CTDSPL: variants seen among roughly 807,000 people sequenced by gnomAD.
CTDSPL encodes the protein CTD small phosphatase like, also known as CTD small phosphatase-like protein.
Under a neutral mutation model 30.5 loss-of-function variants are expected in CTDSPL, and 8 were observed. The observed-to-expected ratio is 0.26, with a 90% confidence interval of 0.15 to 0.47. The LOEUF (loss-of-function observed/expected upper bound fraction) is 0.47. CTDSPL is among the 20% of genes least tolerant of loss of function. The probability of loss-of-function intolerance (pLI) is 0.99; values close to 1 mark genes in which losing one functional copy is unlikely to be tolerated. For synonymous variants in CTDSPL, 110 were observed against 137.9 expected (o/e 0.80, Z 1.42); for missense variants, 248 against 366.1 (o/e 0.68, Z 2.63).
intron 1 of CTDSPL, among the ~76,000 whole-genome samples, chr3:37,889,438 G>A (rs1293435127): frequency 1.3e-5 from 2 of 152,084 alleles, no homozygotes; most frequent in Non-Finnish European, 2.9e-5. Context: ...AATGAAATCG[G>A]CGGTTTCCAA....
chr3:37,943,535 G>A (rs374899329), intron 1 of CTDSPL, among the ~76,000 whole-genome samples: 4 of 150,434 alleles, frequency 2.7e-5, no homozygotes, highest in South Asian at 4.3e-4. Flanking sequence ...AATGAAAATC[G>A]TTACGGAATA....
At position 37,981,653 on chromosome 3, in the gene CTDSPL, G is replaced by T; in HGVS notation, c.*786G>T. ...CTGATGGTGACAAGTTTGTCTTGAG[G>T]TCACATTTTCTCCTTGAAAAGTGAC... On this transcript the variant is annotated 3_prime_UTR_variant, in exon 8 of 8. Transcript: ENST00000273179. 1 of 324,244 alleles carries T rather than the reference G, an allele frequency of 3.1e-6. No homozygotes were observed. Among genetic ancestry groups the T allele is most frequent in the Non-Finnish European group, 6.2e-6 (1 of 162,460 alleles). The allele number at this position is 324,244 out of a possible 1,614,324, so 20.1% of individuals were successfully genotyped here. A position where few individuals can be genotyped will look rare whatever the true frequency, so the allele number is the denominator to read the frequency against.
chr3:37,951,978 G>C (rs1699115049), intron 2 of CTDSPL, among the ~76,000 whole-genome samples: 1 of 152,158 alleles, frequency 6.6e-6, no homozygotes, highest in Middle Eastern at 3.2e-3. Context: ...ATATTTCCAA[G>C]AATATACCTG....
At chr3:37,952,458 A>C (rs893338942) in intron 2 of CTDSPL, among the ~76,000 whole-genome samples, 1 of 152,176 alleles carries the variant, frequency 6.6e-6, no homozygotes, top group African/African-American at 2.4e-5. Flanking sequence ...CAAGCTTCAG[A>C]TATTGTTTCC....
intron 7 of CTDSPL, among the ~76,000 whole-genome samples, chr3:37,976,406 G>C (rs780055339): frequency 1.4e-4 from 22 of 152,062 alleles, no homozygotes; most frequent in Non-Finnish European, 2.6e-4. Context: ...GGGAGGCCGA[G>C]GCAGATCACA....
At chr3:37,892,075 G>A (rs1698334579) in intron 1 of CTDSPL, among the ~76,000 whole-genome samples, 1 of 152,106 alleles carries the variant, frequency 6.6e-6, no homozygotes, top group African/African-American at 2.4e-5. Flanking sequence ...TCTTTATATG[G>A]ATGCACCTTA....
At chr3:37,867,723 G>A (rs2125586955) in intron 1 of CTDSPL, among the ~76,000 whole-genome samples, 1 of 152,222 alleles carries the variant, frequency 6.6e-6, no homozygotes, top group Admixed American at 6.5e-5. Flanking sequence ...ATCACCTAGT[G>A]TCCCCTAACG....
intron 2 of CTDSPL, among the ~76,000 whole-genome samples, chr3:37,953,887 G>C (rs868148566): frequency 1.8e-4 from 27 of 152,134 alleles, no homozygotes; most frequent in African/African-American, 5.3e-4. Context: ...TATAAACATG[G>C]AAAAGATACA....
In CTDSPL at chr3:37,914,010, T is replaced by C. The variant is rs193217213; in HGVS notation, c.80-33047T>C. 2.0e-4 allele frequency among the ~76,000 whole-genome samples: 30 copies of C among 152,378 alleles called. No homozygotes were observed. In the East Asian group the frequency reaches 5.8e-3, roughly 29 times the overall value. On this transcript the variant is annotated intron_variant, in intron 1 of 7. Transcript: ENST00000273179. ...GTTTTCATTGAGATTGTGTGGAATC[T>C]GTAGGCGAGTTTGGCAGAATTGACG...
chr3:37,943,856 C>G (rs1189078932), intron 1 of CTDSPL, among the ~76,000 whole-genome samples: 1 of 150,340 alleles, frequency 6.7e-6, no homozygotes, highest in African/African-American at 2.4e-5. Flanking sequence ...CAGGAGCGTT[C>G]TACTGGGAAA....
intron 1 of CTDSPL, among the ~76,000 whole-genome samples, chr3:37,923,258 G>A (rs1698738551): frequency 6.6e-6 from 1 of 152,168 alleles, no homozygotes; most frequent in South Asian, 2.1e-4. Flanking sequence ...GCTGAGGGTG[G>A]TATCCACATT....
rs903430720 is a variant in CTDSPL, at chr3:37,867,671, G to A, written c.79+5393G>A. On this transcript the variant is annotated intron_variant, in intron 1 of 7. Coordinates refer to ENST00000273179, the MANE Select transcript of CTDSPL (RefSeq NM_001008392.2). ...TTTATTTTGAAATAATTATAGACTC[G>A]AAAGAAGTTGCAAAAATAATACAGA... Among the ~76,000 whole-genome samples, 3 of 152,212 alleles carry A rather than the reference G, an allele frequency of 2.0e-5. No homozygotes were observed. In the South Asian group the frequency reaches 6.2e-4, roughly 32 times the overall value.
chr3:37,943,072 C>G (rs73058949), intron 1 of CTDSPL, among the ~76,000 whole-genome samples: 5,977 of 150,132 alleles, frequency 0.04, 428 homozygotes, highest in African/African-American at 0.062. Flanking sequence ...GGGAAAAGGA[C>G]AGATGTCTAG....
intron 2 of CTDSPL, among the ~76,000 whole-genome samples, chr3:37,951,058 G>T (rs149971405): frequency 1.2e-3 from 183 of 152,272 alleles, no homozygotes; most frequent in African/African-American, 4.2e-3. Flanking sequence ...ATTCAGTTAT[G>T]ATACAATTAT....
rs548541148 is a variant in CTDSPL, at chr3:37,887,262, T to A, written c.79+24984T>A. Among the ~76,000 whole-genome samples, 9 of 152,314 alleles carry A rather than the reference T, an allele frequency of 5.9e-5. No homozygotes were observed. In the South Asian group the frequency reaches 1.9e-3, roughly 32 times the overall value. On this transcript the variant is annotated intron_variant, in intron 1 of 7. Coordinates refer to ENST00000273179, the MANE Select transcript of CTDSPL (RefSeq NM_001008392.2). Reference sequence around the variant, plus strand: ...GTTTGTCAAGGTGTTTGTGAGCACCTTCTGAAGTGTGGATGCCTAGCCTCT... The same window carrying A: ...GTTTGTCAAGGTGTTTGTGAGCACCATCTGAAGTGTGGATGCCTAGCCTCT...
intron 1 of CTDSPL, among the ~76,000 whole-genome samples, chr3:37,908,986 G>T (rs560797179): frequency 6.6e-6 from 1 of 152,074 alleles, no homozygotes. Context: ...AGTCTTTGTC[G>T]TAATTACTAC....
At chr3:37,967,614 A>G (rs2125631894) in intron 4 of CTDSPL, among the ~76,000 whole-genome samples, 1 of 152,346 alleles carries the variant, frequency 6.6e-6, no homozygotes, top group Non-Finnish European at 1.5e-5. Flanking sequence ...TTGGACCAAG[A>G]TGCTGAAAAT....
At chr3:37,943,851 G>A (rs1292227922) in intron 1 of CTDSPL, among the ~76,000 whole-genome samples, 10 of 150,504 alleles carry the variant, frequency 6.6e-5, no homozygotes, top group Middle Eastern at 3.5e-3. Flanking sequence ...GCCAGCAGGA[G>A]CGTTCTACTG....
At chr3:37,883,262 T>C (rs1698228053) in intron 1 of CTDSPL, among the ~76,000 whole-genome samples, 1 of 152,220 alleles carries the variant, frequency 6.6e-6, no homozygotes, top group Admixed American at 6.5e-5. Flanking sequence ...ACTAAGGCTT[T>C]AAATTGTTGG....
Sources: gnomAD v4.1 joint callset for allele counts (sites outside exome capture counted in the v4.1 genomes callset) on GRCh38, gnomAD v4.1.1 for gene constraint, MANE v1.5 for transcripts, NCBI Gene and HGNC (gene_info 2026-07-23, HGNC 2026-07-21) for gene names.